The following DENND3 variants were observed in gnomAD, a reference collection of about 807,000 sequenced individuals.
DENND3 encodes the protein DENN domain containing 3.
Under a neutral mutation model 135.1 loss-of-function variants are expected in DENND3, and 88 were observed. The ratio of observed to expected loss-of-function variants is 0.65; its 90% confidence interval spans 0.55 to 0.78. DENND3 has a LOEUF of 0.78. Among genes scored for constraint, DENND3 ranks in the 30% least tolerant of loss-of-function variants. The probability of loss-of-function intolerance (pLI) is 0.00; values close to 1 mark genes in which losing one functional copy is unlikely to be tolerated. For synonymous variants in DENND3, 693 were observed against 712.3 expected, an observed-to-expected ratio of 0.97 and a Z score of 0.43; for missense variants, 1,392 against 1,688.4, an observed-to-expected ratio of 0.82 and a Z score of 3.08.
At chr8:141,136,819 G>C (rs1816847574) in intron 2 of DENND3, 28 bp downstream of exon 2, 1 of 1,514,356 alleles carries the variant, frequency 6.6e-7, no homozygotes, top group African/African-American at 1.4e-5. Context: ...GCACCACTGG[G>C]CGCCTCCTGC....
rs1435543570 is a variant in DENND3 at position 141,144,717 on chromosome 8, G to C, written c.735+458G>C. ...TCCCTTTTGGAGTTTAGGCACAGCTGACCAGCATTAGGTTAAAATGGAGAT... is the reference window on the plus strand; with the variant it reads ...TCCCTTTTGGAGTTTAGGCACAGCTCACCAGCATTAGGTTAAAATGGAGAT... On this transcript the variant is annotated intron_variant, in intron 5 of 22. Transcript: ENST00000519811. This position sits in a 1 kb window ranked among gnomAD's most constrained non-coding sequence, Gnocchi z 4.4. Among the ~76,000 whole-genome samples the C allele has an allele frequency of 6.6e-6, 1 of 152,148 alleles. No individual in the cohort carries two copies. The highest frequency in any genetic ancestry group is 1.5e-5 in the Non-Finnish European group (1 of 68,038).
rs142882526 is a variant in DENND3 at position 141,132,399 on chromosome 8, C to T, written c.102+3590C>T. Among the ~76,000 whole-genome samples, 7 of 152,040 alleles carry T rather than the reference C, an allele frequency of 4.6e-5. No homozygotes were observed. The South Asian group carries it at 8.3e-4, about 18-fold the overall frequency. On this transcript the variant is annotated intron_variant, in intron 1 of 22. Transcript: ENST00000519811. ...GGGGATGGAGTTTCACGCTTGTTGC[C>T]CAGGCTGGAGTACAATGGTGCCATC...
chr8:141,136,600 ACAGT>A lies in DENND3; in HGVS notation c.197_200del (p.Ser66LysfsTer18). ...GTGCCTCCTTTTATCAGTAAAGAGG[ACAGT>A]CAAATGGCCGGTGCCAACTGCGGCA... On this transcript the variant is annotated frameshift_variant, in exon 2 of 23. Transcript: ENST00000519811. LOFTEE classifies it high-confidence loss of function. The A allele has an allele frequency of 6.3e-7, 1 of 1,596,866 alleles. No individual in the cohort carries two copies. Among genetic ancestry groups the A allele is most frequent in the South Asian group, 1.1e-5 (1 of 88,078 alleles).
chr8:141,155,917 T>C lies in DENND3; in HGVS notation c.1143T>C (p.Asp381=). 6.2e-7 allele frequency: 1 copy of C among 1,612,950 alleles called. No homozygotes were observed. Among genetic ancestry groups the C allele is most frequent in the Non-Finnish European group, 8.5e-7 (1 of 1,179,328 alleles). ...TCACCTACTCCAAGTCCACGGACGA[T>C]AACGTGGACATTCCTGATGTCCCCC... ...GSITYSKSTD[D]NVDIPDVPLL... is the part of the protein sequence containing the mutation. The change falls in exon 8 of 23, where the codon GAT becomes GAC. Residue 381 remains aspartate, a synonymous_variant. Transcript: ENST00000519811.
At chr8:141,150,224 A>G (rs1818623344) in intron 5 of DENND3, 2 of 921,532 alleles carry the variant, frequency 2.2e-6, no homozygotes, top group Non-Finnish European at 2.9e-6. Context: ...ATTTCCTGGC[A>G]GGCTCAGAAG....
chr8:141,171,235 A>G (rs1178205203), intron 13 of DENND3, among the ~76,000 whole-genome samples: 3 of 152,246 alleles, frequency 2.0e-5, no homozygotes, highest in East Asian at 3.8e-4. Context: ...TCAGAGCTCA[A>G]TGTCACCATC....
chr8:141,166,377 G>A lies in DENND3; in HGVS notation c.1741G>A (p.Gly581Ser), dbSNP rs558170108. 1.2e-6 allele frequency: 2 copies of A among 1,611,860 alleles called. No homozygotes were observed. The highest frequency in any genetic ancestry group is 2.7e-5 in the African/African-American group (2 of 75,046). ...GCTGACGGACACCGCAGGCTGTAGG[G>A]GCAGCAGCGCAGGTGAGGGCTGCCC... The part of the protein sequence containing the change: ...LRLTDTAGCR[G>S]SSAVLNVTPK... The change falls in exon 12 of 23, where the codon GGC becomes AGC. Residue 581 changes from glycine to serine, a missense_variant. Coordinates refer to ENST00000519811, the MANE Select transcript of DENND3 (RefSeq NM_001352890.3). This position sits in a 1 kb window ranked among gnomAD's most constrained non-coding sequence, Gnocchi z 4.3.
chr8:141,148,822 T>G (rs1818452830), intron 5 of DENND3, among the ~76,000 whole-genome samples: 1 of 152,198 alleles, frequency 6.6e-6, no homozygotes, highest in Non-Finnish European at 1.5e-5. Context: ...CATGTAAAGT[T>G]GACAATTATT....
chr8:141,190,682 C>T, intron 20 of DENND3: 1 of 410,860 alleles, frequency 2.4e-6, no homozygotes, highest in Non-Finnish European at 4.3e-6. Flanking sequence ...TCTCCTGTCC[C>T]TCACCTTGGC....
intron 15 of DENND3, 83 bp from the exon 16 acceptor site, chr8:141,177,984 T>C (rs1822611476): frequency 2.0e-6 from 3 of 1,474,944 alleles, no homozygotes; most frequent in East Asian, 2.4e-5. Flanking sequence ...TTGGAAGGAT[T>C]GTCCTGTGTG....
In DENND3 at chr8:141,170,434, CGT is replaced by C. The variant is rs34336373; in HGVS notation, c.2275+1915_2275+1916del. Among the ~76,000 whole-genome samples, 432 of 152,132 alleles carry C rather than the reference CGT, an allele frequency of 2.8e-3. 2 individuals are homozygous for C. The highest frequency in any genetic ancestry group is 5.1e-3 in the Non-Finnish European group (345 of 67,984). The stretch of plus-strand genomic sequence containing the variant: ...ATGTGTGTATATGTGTGCGAGTGTG[CGT>C]GTGTGCGCGCGCTGTACCTCTCCCT... On this transcript the variant is annotated intron_variant, in intron 13 of 22. Transcript: ENST00000519811.
chr8:141,161,362 C>G (rs1477476420), intron 9 of DENND3, among the ~76,000 whole-genome samples: 1 of 152,242 alleles, frequency 6.6e-6, no homozygotes, highest in African/African-American at 2.4e-5. Flanking sequence ...AGCAAGTTTT[C>G]TTTCTCCTCA....
chr8:141,171,133 G>C (rs2154613230), intron 13 of DENND3, among the ~76,000 whole-genome samples: 1 of 152,226 alleles, frequency 6.6e-6, no homozygotes, highest in Middle Eastern at 3.4e-3. Flanking sequence ...CTTGATTCTG[G>C]GATATGTGAG....
At chr8:141,135,963 C>T (rs1462707779) in intron 1 of DENND3, among the ~76,000 whole-genome samples, 2 of 152,166 alleles carry the variant, frequency 1.3e-5, no homozygotes, top group Admixed American at 6.5e-5. Flanking sequence ...CACTGGCCCA[C>T]GTGGGGGTGT....
chr8:141,129,148 T>C (rs553216186), intron 1 of DENND3, among the ~76,000 whole-genome samples: 1 of 152,326 alleles, frequency 6.6e-6, no homozygotes, highest in East Asian at 1.9e-4. Context: ...CTCTCTTCAG[T>C]CGCTCCCATC....
intron 13 of DENND3, among the ~76,000 whole-genome samples, chr8:141,169,239 C>T (rs560469113): frequency 1.3e-5 from 2 of 152,372 alleles, no homozygotes; most frequent in South Asian, 4.1e-4. Context: ...CAGGCAAGAC[C>T]GCTGCAGCAC....
Position 141,166,697 on chromosome 8 carries a change from A to G in DENND3, c.1753+308A>G, listed in dbSNP as rs1396427939. Reference sequence around the variant, plus strand: ...GTGGATTGCATGTGTATAAATACATATTTACACATCCACACGTGTGATAGG... The same window carrying G: ...GTGGATTGCATGTGTATAAATACATGTTTACACATCCACACGTGTGATAGG... On this transcript the variant is annotated intron_variant, in intron 12 of 22. Transcript: ENST00000519811. The surrounding 1 kb of genome is among the most constrained non-coding windows in gnomAD (Gnocchi z 4.3). Among the ~76,000 whole-genome samples, 1 of 152,146 alleles carries G rather than the reference A, an allele frequency of 6.6e-6. No individual in the cohort carries two copies. The highest frequency in any genetic ancestry group is 6.5e-5 in the Admixed American group (1 of 15,278).
At chr8:141,165,566 G>A (rs1262009684) in intron 11 of DENND3, among the ~76,000 whole-genome samples, 1 of 151,564 alleles carries the variant, frequency 6.6e-6, no homozygotes, top group Non-Finnish European at 1.5e-5. Flanking sequence ...CTGGGTTCAA[G>A]CAATTCTCCT....
intron 19 of DENND3, 109 bp from the exon 20 acceptor site, chr8:141,190,175 G>A (rs1042370500): frequency 3.6e-6 from 5 of 1,394,358 alleles, no homozygotes; most frequent in Admixed American, 2.7e-5. Context: ...GGTTATCCGT[G>A]TTGAGCACAT....
Sources: gnomAD v4.1 joint callset for allele counts (sites outside exome capture counted in the v4.1 genomes callset) on GRCh38, gnomAD v4.1.1 for gene constraint, Gnocchi (gnomAD v3.1) non-coding constraint, MANE v1.5 for transcripts, NCBI Gene and HGNC (gene_info 2026-07-23, HGNC 2026-07-21) for gene names.